The following UBE2O variants were observed in gnomAD, a reference collection of about 807,000 sequenced individuals.
UBE2O encodes the protein (E3-independent) E2 ubiquitin-conjugating enzyme.
UBE2O carries 15 observed loss-of-function variants against 125.8 expected under a neutral mutation model. The ratio of observed to expected loss-of-function variants is 0.12; its 90% CI spans 0.08 to 0.18. UBE2O has a LOEUF of 0.18. UBE2O is among the 10% of genes least tolerant of loss of function. The pLI, the probability that UBE2O is intolerant of heterozygous loss-of-function variation, is 1.00. For synonymous variants in UBE2O, 708 were observed against 703.2 expected (o/e 1.01, Z -0.11); for missense variants, 1,280 against 1,723.6 (o/e 0.74, Z 4.56).
intron 1 of UBE2O, among the ~76,000 whole-genome samples, chr17:76,434,705 G>A (rs372402688): frequency 2.7e-5 from 4 of 150,792 alleles, no homozygotes; most frequent in African/African-American, 7.3e-5. Flanking sequence ...AAGCAATTCC[G>A]ACATGGCAAA....
intron 1 of UBE2O, among the ~76,000 whole-genome samples, chr17:76,442,970 G>A (rs1373123104): frequency 6.6e-6 from 1 of 152,124 alleles, no homozygotes. Context: ...TTAGAATGAG[G>A]GCCAAAGAAG....
Position 76,396,870 on chromosome 17 carries a change from C to A in UBE2O, c.2116-49G>T. 1 of 1,497,748 alleles carries A rather than the reference C, an allele frequency of 6.7e-7. No individual in the cohort carries two copies. The highest frequency in any genetic ancestry group is 9.0e-7 in the Non-Finnish European group (1 of 1,108,124). 92.8% of individuals were successfully genotyped at this position (1,497,748 alleles called of 1,614,324 possible). A position where few individuals can be genotyped will look rare whatever the true frequency, so the allele number is the denominator to read the frequency against. ...GGGTAAGCAGACAGGAAGTCACCTC[C>A]CCACCACTAAGGAGGAGCTCTGGGG... is the stretch of plus-strand genomic sequence containing the variant. On this transcript the variant is annotated intron_variant, in intron 13 of 17. Coordinates refer to ENST00000319380, the MANE Select transcript of UBE2O (RefSeq NM_022066.4). The surrounding 1 kb of genome is among the most constrained non-coding windows in gnomAD (Gnocchi z 6.7).
chr17:76,452,579 A>AGT lies in UBE2O; in HGVS notation c.417+144_417+145dup. On this transcript the variant is annotated intron_variant, in intron 1 of 17. Coordinates refer to ENST00000319380, the MANE Select transcript of UBE2O (RefSeq NM_022066.4). This position sits in a 1 kb window ranked among gnomAD's most constrained non-coding sequence, Gnocchi z 4.4. The stretch of plus-strand genomic sequence containing the variant: ...GAGCTGCTGCAATGACTTTGCATGG[A>AGT]GTGTACCCTCCACTGGGGCTGTCCT... 1.4e-6 allele frequency: 1 copy of AGT among 720,310 alleles called. No individual in the cohort carries two copies. Among genetic ancestry groups the AGT allele is most frequent in the Non-Finnish European group, 2.0e-6 (1 of 509,576 alleles). 44.6% of individuals were successfully genotyped at this position (720,310 alleles called of 1,614,324 possible). A position where few individuals can be genotyped will look rare whatever the true frequency, so the allele number is the denominator to read the frequency against.
At chr17:76,392,582 T>C (rs183473659) in intron 15 of UBE2O, among the ~76,000 whole-genome samples, 1 of 151,850 alleles carries the variant, frequency 6.6e-6, no homozygotes, top group African/African-American at 2.4e-5. Context: ...CCTGGAATCA[T>C]TGAACCCTGG....
rs2072101791 is a variant in UBE2O, at chr17:76,391,051, G to A, written c.3771C>T (p.Pro1257=). 2 of 1,614,094 alleles carry A rather than the reference G, an allele frequency of 1.2e-6. No homozygotes were observed. Among genetic ancestry groups the A allele is most frequent in the African/African-American group, 1.3e-5 (1 of 75,070 alleles). ...TGAAACCCTTGGAAAGTGGGAAGAG[G>A]GGGAAGCCGATGTCAGGGTAGCCAC... is the stretch of plus-strand genomic sequence containing the variant. ...EKSGYPDIGF[P]LFPLSKGFIK... The change falls in exon 18 of 18, where the codon CCC becomes CCT. Residue 1257 remains proline, a synonymous_variant. Transcript: ENST00000319380. This position sits in a 1 kb window ranked among gnomAD's most constrained non-coding sequence, Gnocchi z 8.4.
chr17:76,409,054 C>T (rs532865654), intron 1 of UBE2O, among the ~76,000 whole-genome samples: 7 of 152,042 alleles, frequency 4.6e-5, no homozygotes, highest in African/African-American at 4.8e-5. Context: ...CTGCAAGCTC[C>T]GCCTCCCGGG....
intron 1 of UBE2O, among the ~76,000 whole-genome samples, chr17:76,425,055 T>C (rs1217543450): frequency 6.6e-6 from 1 of 151,110 alleles, no homozygotes; most frequent in East Asian, 1.9e-4. Context: ...GTATTTTTAG[T>C]AGAGACGGGA....
Position 76,449,072 on chromosome 17 carries a change from C to T in UBE2O, c.417+3653G>A, listed in dbSNP as rs987717508. 7.2e-5 allele frequency among the ~76,000 whole-genome samples: 11 copies of T among 152,358 alleles called. 1 individual carries two copies. Among genetic ancestry groups the T allele is most frequent in the African/African-American group, 2.6e-4 (11 of 41,582 alleles). On this transcript the variant is annotated intron_variant, in intron 1 of 17. Transcript: ENST00000319380. ...CAAATTCCATAGCTTCATGGAAGAA[C>T]TTACTTTGTTTCTGTTGCTATTTTC...
chr17:76,407,005 T>A, intron 1 of UBE2O, among the ~76,000 whole-genome samples: 1 of 152,170 alleles, frequency 6.6e-6, no homozygotes, highest in East Asian at 1.9e-4. Context: ...GGTATGAGCC[T>A]GTTTCAAATG....
At chr17:76,403,218 T>C (rs2072359192) in intron 3 of UBE2O, among the ~76,000 whole-genome samples, 1 of 150,520 alleles carries the variant, frequency 6.6e-6, no homozygotes. Context: ...GAGTCTGAGG[T>C]GTTTAGGTGG....
chr17:76,428,140 A>AG (rs2072841510), intron 1 of UBE2O, among the ~76,000 whole-genome samples: 1 of 152,156 alleles, frequency 6.6e-6, no homozygotes, highest in African/African-American at 2.4e-5. Context: ...AATCCACCCC[A>AG]TTGTCTTCTG....
At chr17:76,432,336 T>C (rs2072919648) in intron 1 of UBE2O, among the ~76,000 whole-genome samples, 1 of 152,152 alleles carries the variant, frequency 6.6e-6, no homozygotes, top group African/African-American at 2.4e-5. Context: ...AGTACTATAA[T>C]TGTACTATGA....
chr17:76,400,309 A>G lies in UBE2O; in HGVS notation c.1005-12T>C, dbSNP rs768510736. The G allele has an allele frequency of 6.7e-5, 108 of 1,612,612 alleles. No individual in the cohort carries two copies. The Admixed American group carries it at 1.8e-3, about 27-fold the overall frequency. On this transcript the variant is annotated splice_polypyrimidine_tract_variant and intron_variant, in intron 7 of 17. Coordinates refer to ENST00000319380, the MANE Select transcript of UBE2O (RefSeq NM_022066.4). The surrounding 1 kb of genome is among the most constrained non-coding windows in gnomAD (Gnocchi z 4.3). ...CGAGACGCTTCACCCTGGTTGGGGA[A>G]GAAGTGGGGGTGAGCTGGGCTGGAC... is the stretch of plus-strand genomic sequence containing the variant.
rs562017870 is a variant in UBE2O at position 76,402,432 on chromosome 17, C to T, written c.686+170G>A. ...GAAACTGAGCAACAGAAATAGGCCA[C>T]GGCAGATAAGGAGAACGGTACAGGG... On this transcript the variant is annotated intron_variant, in intron 4 of 17. Coordinates refer to ENST00000319380, the MANE Select transcript of UBE2O (RefSeq NM_022066.4). The surrounding 1 kb of genome is among the most constrained non-coding windows in gnomAD (Gnocchi z 5.4). 3.9e-5 allele frequency among the ~76,000 whole-genome samples: 6 copies of T among 152,124 alleles called. No homozygotes were observed. Among genetic ancestry groups the T allele is most frequent in the Non-Finnish European group, 8.8e-5 (6 of 68,002 alleles).
intron 1 of UBE2O, among the ~76,000 whole-genome samples, chr17:76,425,561 T>G (rs2072798539): frequency 6.6e-6 from 1 of 152,224 alleles, no homozygotes; most frequent in Non-Finnish European, 1.5e-5. Context: ...CCTGTTTTGG[T>G]ACCTGATGAC....
Position 76,400,679 on chromosome 17 carries a change from C to T in UBE2O, c.895-129G>A, listed in dbSNP as rs1219066834. The T allele has an allele frequency of 6.0e-6, 4 of 661,368 alleles. No individual in the cohort carries two copies. Among genetic ancestry groups the T allele is most frequent in the African/African-American group, 5.5e-5 (3 of 55,004 alleles). 41.0% of individuals were successfully genotyped at this position (661,368 alleles called of 1,614,324 possible). ...TTCCTAGTGCAGCACCAAGTACAGA[C>T]ACATCAGAGCAGGCCCCAACTGTAA... On this transcript the variant is annotated intron_variant, in intron 6 of 17. Transcript: ENST00000319380. The surrounding 1 kb of genome is among the most constrained non-coding windows in gnomAD (Gnocchi z 4.3).
rs184782087 is a variant in UBE2O at position 76,434,937 on chromosome 17, C to T, written c.417+17788G>A. Reference sequence around the variant, plus strand: ...CTGCCCCAATAGAGGGGCTCGGGCGCGCCCATCCAGGGATCATGGATTCCT... The same window carrying T: ...CTGCCCCAATAGAGGGGCTCGGGCGTGCCCATCCAGGGATCATGGATTCCT... On this transcript the variant is annotated intron_variant, in intron 1 of 17. Coordinates refer to ENST00000319380, the MANE Select transcript of UBE2O (RefSeq NM_022066.4). Among the ~76,000 whole-genome samples the T allele has an allele frequency of 4.3e-4, 65 of 152,210 alleles. 1 individual carries two copies. Among genetic ancestry groups the T allele is most frequent in the African/African-American group, 1.2e-3 (49 of 41,508 alleles).
intron 1 of UBE2O, among the ~76,000 whole-genome samples, chr17:76,412,736 G>A (rs1399810840): frequency 3.3e-5 from 5 of 152,210 alleles, no homozygotes; most frequent in African/African-American, 1.2e-4. Flanking sequence ...TCGGCCGGGC[G>A]CAGTGGCTCA....
Position 76,392,007 on chromosome 17 carries a change from T to G in UBE2O, c.3053A>C (p.His1018Pro). The change falls in exon 16 of 18, where the codon CAC becomes CCC. Residue 1018 changes from histidine (H) to proline (P), a missense_variant. By Grantham distance (77) the His-to-Pro change is moderately conservative. This residue lies in a region of UBE2O where 37 missense variants were observed against 115.6 expected (regional missense o/e 0.32). Transcript: ENST00000319380. ...LPNIYPAVPP[H>P]FCYLSQCSGR... The stretch of plus-strand genomic sequence containing the variant: ...ACTGCATTGGGAGAGGTAGCAGAAG[T>G]GGGGGGGCACGGCTGGGTAGATGTT... 6.3e-7 allele frequency: 1 copy of G among 1,595,950 alleles called. No homozygotes were observed. Among genetic ancestry groups the G allele is most frequent in the Non-Finnish European group, 8.5e-7 (1 of 1,171,986 alleles).
Sources: gnomAD v4.1 joint callset for allele counts (sites outside exome capture counted in the v4.1 genomes callset) on GRCh38, gnomAD v4.1.1 for gene constraint, gnomAD v4.1.1 regional missense constraint, Gnocchi (gnomAD v3.1) non-coding constraint, MANE v1.5 for transcripts, NCBI Gene and HGNC (gene_info 2026-07-23, HGNC 2026-07-21) for gene names.